The following LRP1B variants were observed in gnomAD, a reference collection of about 807,000 sequenced individuals.
The protein encoded by LRP1B is low-density lipoprotein receptor-related protein 1B.
In LRP1B, 217 loss-of-function variants were observed where a neutral mutation model predicts 556.6. The ratio of observed to expected loss-of-function variants is 0.39; its 90% CI spans 0.35 to 0.44. LRP1B has a LOEUF of 0.44. Among genes scored for constraint, LRP1B ranks in the 20% least tolerant of loss-of-function variants. The pLI is 1.00. For missense variants in LRP1B, 5,053 were observed against 5,620.8 expected (o/e 0.90, Z 3.23); for synonymous variants, 2,047 against 1,865.8 (o/e 1.10, Z -2.50).
At chr2:142,011,222 T>C (rs1002370354) in intron 1 of LRP1B, among the ~76,000 whole-genome samples, 17 of 152,196 alleles carry the variant, frequency 1.1e-4, no homozygotes, top group Admixed American at 9.8e-4. Context: ...CTCTGATATA[T>C]GCTTAAAATC....
intron 24 of LRP1B, among the ~76,000 whole-genome samples, chr2:140,884,716 T>C (rs1411819586): frequency 6.6e-6 from 1 of 152,192 alleles, no homozygotes; most frequent in African/African-American, 2.4e-5. Flanking sequence ...AAAAATCTTT[T>C]TTTCTACTTT....
intron 3 of LRP1B, among the ~76,000 whole-genome samples, chr2:141,356,444 G>A (rs907445730): frequency 6.6e-6 from 1 of 151,878 alleles, no homozygotes; most frequent in Non-Finnish European, 1.5e-5. Context: ...TTCAAAATAT[G>A]GACAGTCAAA....
At chr2:140,284,552 A>G (rs964875392) in intron 84 of LRP1B, among the ~76,000 whole-genome samples, 14 of 151,516 alleles carry the variant, frequency 9.2e-5, no homozygotes, top group African/African-American at 3.1e-4. Context: ...ATACACACCC[A>G]TACAGTTCCT....
At chr2:140,481,968 C>T (rs1173397553) in intron 59 of LRP1B, among the ~76,000 whole-genome samples, 2 of 152,170 alleles carry the variant, frequency 1.3e-5, no homozygotes, top group Non-Finnish European at 2.9e-5. Flanking sequence ...CTGTAGAGCA[C>T]CACGTCACTC....
At chr2:141,188,381 G>A (rs1287741313) in intron 7 of LRP1B, 40 bp downstream of exon 7, 1 of 1,577,858 alleles carries the variant, frequency 6.3e-7, no homozygotes. Context: ...CTTTTTAAAC[G>A]CAAACTTTTT....
intron 7 of LRP1B, among the ~76,000 whole-genome samples, chr2:141,178,837 TGA>T (rs371950190): frequency 0.27 from 40,920 of 151,926 alleles, 6,109 homozygotes; most frequent in East Asian, 0.62. Context: ...AAAGGAACCT[TGA>T]TTCTTGAATA....
chr2:141,224,072 A>T (rs909738607), intron 6 of LRP1B, among the ~76,000 whole-genome samples: 4 of 152,160 alleles, frequency 2.6e-5, no homozygotes, highest in Admixed American at 2.6e-4. Context: ...ACAGTAAAAG[A>T]AACTATCATT....
intron 35 of LRP1B, among the ~76,000 whole-genome samples, chr2:140,739,803 C>G (rs942427034): frequency 6.6e-6 from 1 of 152,056 alleles, no homozygotes; most frequent in Non-Finnish European, 1.5e-5. Flanking sequence ...TATCCAGAAA[C>G]TTCAATGAAC....
intron 27 of LRP1B, among the ~76,000 whole-genome samples, chr2:140,864,812 T>C (rs1216285325): frequency 4.6e-5 from 7 of 152,076 alleles, no homozygotes; most frequent in Non-Finnish European, 1.0e-4. Flanking sequence ...TACAAGATCC[T>C]ATGATTTAGA....
chr2:140,271,694 T>C (rs965595457), intron 85 of LRP1B, among the ~76,000 whole-genome samples: 1 of 151,860 alleles, frequency 6.6e-6, no homozygotes, highest in African/African-American at 2.4e-5. Flanking sequence ...AAGATACAGG[T>C]AAACAGAACA....
At chr2:140,535,841 G>A (rs144117862) in intron 46 of LRP1B, among the ~76,000 whole-genome samples, 87 of 152,228 alleles carry the variant, frequency 5.7e-4, no homozygotes, top group African/African-American at 1.9e-3. Context: ...CTATCACTTG[G>A]TGTTGCCAAG....
chr2:140,583,872 T>G (rs1681879146), intron 43 of LRP1B, among the ~76,000 whole-genome samples: 1 of 152,188 alleles, frequency 6.6e-6, no homozygotes, highest in Non-Finnish European at 1.5e-5. Context: ...TAAACAGTTT[T>G]GTTCTCTTCT....
intron 2 of LRP1B, among the ~76,000 whole-genome samples, chr2:141,587,367 A>G (rs1316062168): frequency 1.3e-5 from 2 of 152,250 alleles, no homozygotes; most frequent in Admixed American, 6.5e-5. Flanking sequence ...ACCTGGCATT[A>G]TAGAAATAGG....
rs1453464780 is a variant in LRP1B at position 141,059,067 on chromosome 2, C to A, written c.1237-13G>T. 1.4e-6 allele frequency: 2 copies of A among 1,414,972 alleles called. No homozygotes were observed. The highest frequency in any genetic ancestry group is 2.1e-4 in the Middle Eastern group (1 of 4,756). 87.7% of individuals were successfully genotyped at this position (1,414,972 alleles called of 1,614,324 possible). A position where few individuals can be genotyped will look rare whatever the true frequency, so the allele number is the denominator to read the frequency against. On this transcript the variant is annotated splice_polypyrimidine_tract_variant and intron_variant, in intron 8 of 90. Coordinates refer to ENST00000389484, the MANE Select transcript of LRP1B (RefSeq NM_018557.3). ...AAAGATGTCTAACCTATAAAGAGGG[C>A]AAAACATAACTATGATTTTTAATTA...
At chr2:140,994,845 ATGT>A (rs1697196249) in intron 15 of LRP1B, among the ~76,000 whole-genome samples, 3 of 152,082 alleles carry the variant, frequency 2.0e-5, no homozygotes, top group Non-Finnish European at 4.4e-5. Flanking sequence ...CAATAACAAA[ATGT>A]TGTCTCATTT....
chr2:142,118,496 A>C (rs572848088), intron 1 of LRP1B, among the ~76,000 whole-genome samples: 8 of 152,178 alleles, frequency 5.3e-5, no homozygotes, highest in African/African-American at 1.7e-4. Context: ...TTTTCTGCCC[A>C]AATGACTTTA....
chr2:140,657,780 A>G (rs1251145323), intron 41 of LRP1B, among the ~76,000 whole-genome samples: 1 of 151,822 alleles, frequency 6.6e-6, no homozygotes, highest in East Asian at 1.9e-4. Context: ...GATTACATTA[A>G]AAACAAAAGA....
intron 87 of LRP1B, among the ~76,000 whole-genome samples, chr2:140,245,098 T>C (rs908461413): frequency 6.6e-6 from 1 of 151,368 alleles, no homozygotes. Flanking sequence ...TTGACATATA[T>C]GTAGCTAATA....
At chr2:141,544,377 T>C (rs1685460630) in intron 2 of LRP1B, among the ~76,000 whole-genome samples, 4 of 115,768 alleles carry the variant, frequency 3.5e-5, no homozygotes, top group Admixed American at 1.0e-4. Flanking sequence ...CTTCTTCTTC[T>C]TCTTCTCCTC....
Sources: allele counts gnomAD v4.1 joint callset (sites outside exome capture counted in the v4.1 genomes callset), GRCh38; gene constraint gnomAD v4.1.1; transcripts MANE v1.5; gene names NCBI Gene and HGNC (gene_info 2026-07-23, HGNC 2026-07-21).